Variants in EYS observed in about 807,000 individuals in gnomAD.
The protein encoded by EYS is protein eyes shut homolog.
A neutral mutation model predicts 282.1 loss-of-function variants in EYS; 250 were observed. The observed-to-expected ratio is 0.89, with a 90% confidence interval of 0.80 to 0.98. EYS has a LOEUF of 0.98. Among genes scored for constraint, EYS ranks in the 50% least tolerant of loss-of-function variants. The pLI is 0.00. For missense variants in EYS, 4,016 were observed against 3,709.0 expected (o/e 1.08, Z -2.15); for synonymous variants, 1,355 against 1,282.9 (o/e 1.06, Z -1.20).
chr6:64,867,320 A>G (rs1306851843), intron 19 of EYS, among the ~76,000 whole-genome samples: 1 of 151,734 alleles, frequency 6.6e-6, no homozygotes, highest in Non-Finnish European at 1.5e-5. Context: ...CATCTTTTTC[A>G]CCTAATACAA....
chr6:64,935,184 G>GA (rs560204327), intron 15 of EYS, among the ~76,000 whole-genome samples: 2 of 151,474 alleles, frequency 1.3e-5, no homozygotes, highest in African/African-American at 4.8e-5. Context: ...TGGTATATCA[G>GA]AAAAAAATAT....
At chr6:65,550,204 A>T (rs1365123944) in intron 2 of EYS, among the ~76,000 whole-genome samples, 243 of 3,174 alleles carry the variant, frequency 0.077, no homozygotes, top group African/African-American at 0.12. Flanking sequence ...GACCATCTTT[A>T]TTTCCCAGTC....
chr6:65,086,023 TC>T (rs1029530321), intron 12 of EYS, among the ~76,000 whole-genome samples: 2,785 of 144,842 alleles, frequency 0.019, 85 homozygotes, highest in African/African-American at 0.066. Flanking sequence ...CCTCACCTTC[TC>T]CTCTTTTTTT....
At chr6:65,448,385 C>A (rs1021480123) in intron 5 of EYS, among the ~76,000 whole-genome samples, 1 of 151,730 alleles carries the variant, frequency 6.6e-6, no homozygotes, top group Non-Finnish European at 1.5e-5. Context: ...ATATGATTAG[C>A]CCAAACTGTA....
intron 8 of EYS, among the ~76,000 whole-genome samples, chr6:65,379,336 C>T (rs191494090): frequency 1.3e-5 from 2 of 152,170 alleles, no homozygotes; most frequent in East Asian, 1.9e-4. Flanking sequence ...AAACACAATC[C>T]ATCACATAAA....
At chr6:65,103,889 T>C (rs894394485) in intron 12 of EYS, among the ~76,000 whole-genome samples, 4 of 151,460 alleles carry the variant, frequency 2.6e-5, no homozygotes, top group African/African-American at 9.7e-5. Flanking sequence ...AACATAGAAA[T>C]GCAGTCAGGT....
intron 12 of EYS, among the ~76,000 whole-genome samples, chr6:65,141,775 A>C (rs1378571339): frequency 6.6e-6 from 1 of 151,950 alleles, no homozygotes; most frequent in Non-Finnish European, 1.5e-5. Flanking sequence ...CGGGGGCAAG[A>C]GTGAAGTGGC....
intron 14 of EYS, among the ~76,000 whole-genome samples, chr6:64,966,784 C>A (rs1294566326): frequency 6.6e-6 from 1 of 152,284 alleles, no homozygotes; most frequent in Non-Finnish European, 1.5e-5. Flanking sequence ...CACAGATAAT[C>A]CAGGATAATG....
chr6:64,019,346 A>T (rs571356962), intron 33 of EYS, among the ~76,000 whole-genome samples: 39 of 152,298 alleles, frequency 2.6e-4, no homozygotes, highest in East Asian at 7.7e-4. Flanking sequence ...GTTTTAGGCC[A>T]CATAGTTTGT....
chr6:64,012,048 C>T (rs1350998441), intron 33 of EYS, among the ~76,000 whole-genome samples: 2 of 146,176 alleles, frequency 1.4e-5, no homozygotes, highest in African/African-American at 5.4e-5. Flanking sequence ...TCCCCTCACC[C>T]CCTCCCCTCC....
chr6:64,188,639 C>G (rs191428432), intron 31 of EYS, among the ~76,000 whole-genome samples: 1 of 152,030 alleles, frequency 6.6e-6, no homozygotes, highest in Admixed American at 6.6e-5. Context: ...GGTGGATACC[C>G]AACAATTTTT....
chr6:64,758,982 C>G (rs1773070258), intron 22 of EYS, among the ~76,000 whole-genome samples: 2 of 151,942 alleles, frequency 1.3e-5, no homozygotes, highest in African/African-American at 4.8e-5. Flanking sequence ...ACTAAAAATA[C>G]AAAAAAATTA....
chr6:64,924,841 A>G (rs951607818), intron 15 of EYS, among the ~76,000 whole-genome samples: 1 of 152,184 alleles, frequency 6.6e-6, no homozygotes, highest in Non-Finnish European at 1.5e-5. Context: ...CCATATCACT[A>G]TCAGCATTTG....
intron 19 of EYS, among the ~76,000 whole-genome samples, chr6:64,872,326 G>A (rs1001040284): frequency 2.0e-5 from 3 of 151,932 alleles, no homozygotes; most frequent in African/African-American, 7.3e-5. Context: ...AAATTATCTT[G>A]CCCAACAAAA....
chr6:64,834,811 T>C (rs1040097709), intron 19 of EYS, among the ~76,000 whole-genome samples: 1 of 151,810 alleles, frequency 6.6e-6, no homozygotes, highest in African/African-American at 2.4e-5. Context: ...TTGTATGTTT[T>C]GATTAACAAA....
intron 24 of EYS, among the ~76,000 whole-genome samples, chr6:64,610,416 T>C (rs1767077853): frequency 6.7e-6 from 1 of 148,498 alleles, no homozygotes; most frequent in Non-Finnish European, 1.5e-5. Flanking sequence ...TTTTTTTTTT[T>C]TTTTTTTTTT....
intron 31 of EYS, among the ~76,000 whole-genome samples, chr6:64,223,175 A>T (rs1385795212): frequency 1.3e-5 from 2 of 151,852 alleles, no homozygotes; most frequent in Admixed American, 6.6e-5. Flanking sequence ...CTGAATACCA[A>T]TTTTTTTCTC....
chr6:65,560,821 T>C (rs1013051208), intron 2 of EYS, among the ~76,000 whole-genome samples: 14 of 152,058 alleles, frequency 9.2e-5, no homozygotes, highest in African/African-American at 3.4e-4. Context: ...CCATACACAG[T>C]ATCTTCTTAT....
chr6:65,599,017 C>A (rs1765519082), intron 2 of EYS, among the ~76,000 whole-genome samples: 1 of 151,936 alleles, frequency 6.6e-6, no homozygotes. Context: ...CCCTCAGTAT[C>A]CTCAGGGGAT....
Sources: allele counts gnomAD v4.1 joint callset (sites outside exome capture counted in the v4.1 genomes callset), GRCh38; gene constraint gnomAD v4.1.1; transcripts MANE v1.5; gene names NCBI Gene and HGNC (gene_info 2026-07-23, HGNC 2026-07-21).